Variants in OOSP4B observed in about 807,000 individuals in gnomAD.
OOSP4B encodes the protein oocyte-secreted protein 4B.
At chr11:60,026,551 G>A (rs1029679927) in intron 3 of OOSP4B, among the ~76,000 whole-genome samples, 1 of 152,082 alleles carries the variant, frequency 6.6e-6, no homozygotes, top group African/African-American at 2.4e-5. Context: ...AGCTGTTCAG[G>A]ATGATTTCAA....
chr11:60,018,414 T>C (rs1438094582), intron 1 of OOSP4B, among the ~76,000 whole-genome samples: 2 of 152,210 alleles, frequency 1.3e-5, no homozygotes, highest in Non-Finnish European at 2.9e-5. Flanking sequence ...CTGCAATGTA[T>C]AGCCAACAAC....
chr11:60,017,239 T>C lies in OOSP4B; in HGVS notation c.-153T>C, dbSNP rs1854637497. The C allele has an allele frequency of 7.6e-6, 3 of 396,088 alleles. No homozygotes were observed. The East Asian group carries it at 1.1e-4, about 14-fold the overall frequency. The allele number at this position is 396,088 out of a possible 1,614,324, so 24.5% of individuals were successfully genotyped here. ...GCAGCTACTGCCAGCTGATGGGCCA[T>C]GTTTTGAGAAGATGCTAAGGGGTTT... On this transcript the variant is annotated 5_prime_UTR_variant, in exon 1 of 5. An upstream start codon of the reference 5' UTR is lost. Coordinates refer to ENST00000642343, the Ensembl canonical transcript of OOSP4B.
intron 4 of OOSP4B, among the ~76,000 whole-genome samples, chr11:60,030,306 G>A (rs184929963): frequency 1.1e-3 from 173 of 152,232 alleles, no homozygotes; most frequent in Admixed American, 2.1e-3. Flanking sequence ...AAATAAGTAG[G>A]CAGATAGGTA....
At chr11:60,027,655 TAA>T (rs61649958) in intron 3 of OOSP4B, among the ~76,000 whole-genome samples, 82 of 62,226 alleles carry the variant, frequency 1.3e-3, no homozygotes, top group African/African-American at 3.1e-3. Context: ...GCTATGATAT[TAA>T]AAAAAAAAAA....
exon 1 of OOSP4B, chr11:60,017,269 G>C: frequency 2.5e-6 from 1 of 397,878 alleles, no homozygotes; most frequent in Non-Finnish European, 4.4e-6. Context: ...GGGTTTCCCT[G>C]GGCTGCCCCA....
chr11:60,027,030 T>C (rs1473717399), intron 3 of OOSP4B, among the ~76,000 whole-genome samples: 1 of 152,190 alleles, frequency 6.6e-6, no homozygotes. Context: ...GGAGTACATA[T>C]ATAGGTTTGT....
In OOSP4B at chr11:60,028,222, G is replaced by A. The variant is rs113904645; in HGVS notation, c.303-1560G>A. Reference sequence around the variant, plus strand: ...ACTCTGTTGCCCAGGCGGGAGTGCAGTGGTGCGATCTCAGCTCACTTCAAC... The same window carrying A: ...ACTCTGTTGCCCAGGCGGGAGTGCAATGGTGCGATCTCAGCTCACTTCAAC... On this transcript the variant is annotated intron_variant, in intron 3 of 4. Coordinates refer to ENST00000642343, the Ensembl canonical transcript of OOSP4B. 4.1e-3 allele frequency among the ~76,000 whole-genome samples: 620 copies of A among 151,526 alleles called. 5 individuals carry two copies. The highest frequency in any genetic ancestry group is 0.014 in the African/African-American group (584 of 41,308).
At chr11:60,029,297 G>A (rs989770561) in intron 3 of OOSP4B, among the ~76,000 whole-genome samples, 1 of 152,176 alleles carries the variant, frequency 6.6e-6, no homozygotes, top group Non-Finnish European at 1.5e-5. Context: ...AAGATAGGAT[G>A]GGGAAGGGTT....
At chr11:60,025,669 T>C (rs1232709498) in intron 3 of OOSP4B, among the ~76,000 whole-genome samples, 1 of 152,224 alleles carries the variant, frequency 6.6e-6, no homozygotes, top group African/African-American at 2.4e-5. Flanking sequence ...TGAAGACTTG[T>C]GCTGTTTTCA....
intron 3 of OOSP4B, among the ~76,000 whole-genome samples, chr11:60,026,799 C>T (rs1415648183): frequency 1.3e-5 from 2 of 152,114 alleles, no homozygotes; most frequent in African/African-American, 4.8e-5. Context: ...GCTATTTTTT[C>T]AAGTGCTCAG....
At chr11:60,029,272 A>T (rs1391342992) in intron 3 of OOSP4B, among the ~76,000 whole-genome samples, 2 of 152,340 alleles carry the variant, frequency 1.3e-5, no homozygotes, top group East Asian at 3.9e-4. Flanking sequence ...AGTGGGAATA[A>T]ACACTACAAC....
At chr11:60,021,194 G>A (rs1854687611) in intron 1 of OOSP4B, among the ~76,000 whole-genome samples, 1 of 152,172 alleles carries the variant, frequency 6.6e-6, no homozygotes. Flanking sequence ...CTTTGTATAT[G>A]TAAGTCATCT....
At chr11:60,027,032 T>C (rs142442204) in intron 3 of OOSP4B, among the ~76,000 whole-genome samples, 10 of 152,284 alleles carry the variant, frequency 6.6e-5, no homozygotes, top group African/African-American at 1.2e-4. Flanking sequence ...AGTACATATA[T>C]AGGTTTGTTA....
chr11:60,027,155 A>G (rs1304150105), intron 3 of OOSP4B, among the ~76,000 whole-genome samples: 1 of 152,044 alleles, frequency 6.6e-6, no homozygotes, highest in Non-Finnish European at 1.5e-5. Flanking sequence ...CCGCCCCCAC[A>G]TTCCTTTTCC....
intron 3 of OOSP4B, among the ~76,000 whole-genome samples, chr11:60,025,269 G>A (rs544956670): frequency 6.6e-6 from 1 of 152,242 alleles, no homozygotes; most frequent in South Asian, 2.1e-4. Context: ...TTGAAGACAT[G>A]AGTACACTTT....
At chr11:60,021,077 C>A (rs1021469691) in intron 1 of OOSP4B, among the ~76,000 whole-genome samples, 57 of 152,234 alleles carry the variant, frequency 3.7e-4, no homozygotes, top group African/African-American at 1.4e-3. Flanking sequence ...TGAAAGAAAT[C>A]TGGCCTCTCA....
intron 3 of OOSP4B, among the ~76,000 whole-genome samples, chr11:60,027,655 T>TAAAAAACAA (rs1854757143): frequency 1.6e-5 from 1 of 62,222 alleles, no homozygotes; most frequent in Non-Finnish European, 3.3e-5. Context: ...GCTATGATAT[T>TAAAAAACAA]AAAAAAAAAA....
chr11:60,024,305 TG>T (rs1315564712), intron 2 of OOSP4B, among the ~76,000 whole-genome samples: 1 of 152,144 alleles, frequency 6.6e-6, no homozygotes, highest in Non-Finnish European at 1.5e-5. Context: ...TTTGGGAGGC[TG>T]GGGTGGGTGG....
intron 2 of OOSP4B, among the ~76,000 whole-genome samples, chr11:60,024,666 T>C (rs1447436445): frequency 6.6e-6 from 1 of 152,202 alleles, no homozygotes; most frequent in Non-Finnish European, 1.5e-5. Context: ...ACATATACTT[T>C]AAAACAGACC....
Sources: gnomAD v4.1 joint callset for allele counts (sites outside exome capture counted in the v4.1 genomes callset) on GRCh38, gnomAD v4.1.1 for gene constraint, MANE v1.5 for transcripts, NCBI Gene and HGNC (gene_info 2026-07-23, HGNC 2026-07-21) for gene names.